FAM120B: variants seen among roughly 807,000 people sequenced by gnomAD.
FAM120B encodes the protein constitutive coactivator of peroxisome proliferator-activated receptor gamma.
Under a neutral mutation model 96.3 loss-of-function variants are expected in FAM120B, and 83 were observed. The observed-to-expected ratio is 0.86, with a 90% CI of 0.72 to 1.03. The LOEUF (loss-of-function observed/expected upper bound fraction) is 1.03. Ranked by LOEUF, FAM120B falls within the 50% of genes least tolerant of loss-of-function variation. The pLI, the probability that FAM120B is intolerant of heterozygous loss-of-function variation, is 0.00. For synonymous variants in FAM120B, 407 were observed against 402.7 expected, an observed-to-expected ratio of 1.01 and a Z score of -0.13; for missense variants, 1,027 against 1,121.2, an observed-to-expected ratio of 0.92 and a Z score of 1.20.
intron 1 of FAM120B, among the ~76,000 whole-genome samples, chr6:170,301,134 TC>T (rs1378563822): frequency 6.6e-6 from 1 of 152,278 alleles, no homozygotes; most frequent in African/African-American, 2.4e-5. Context: ...GCAGCAGACC[TC>T]TGCCTGGACA....
intron 5 of FAM120B, among the ~76,000 whole-genome samples, chr6:170,350,077 T>C (rs906788464): frequency 6.6e-6 from 1 of 152,146 alleles, no homozygotes; most frequent in Non-Finnish European, 1.5e-5. Context: ...GTTTGGAGTC[T>C]CAGCAGAGCA....
intron 4 of FAM120B, among the ~76,000 whole-genome samples, chr6:170,332,998 A>G (rs2115075881): frequency 6.6e-6 from 1 of 152,272 alleles, no homozygotes; most frequent in Non-Finnish European, 1.5e-5. Flanking sequence ...AATCACAAGT[A>G]TTTTCCAACA....
intron 4 of FAM120B, among the ~76,000 whole-genome samples, chr6:170,341,412 T>A (rs928963947): frequency 5.9e-5 from 9 of 152,126 alleles, no homozygotes; most frequent in African/African-American, 2.2e-4. Flanking sequence ...TTCAAGCCAG[T>A]GGTCCTTAGC....
chr6:170,358,434 G>T, intron 6 of FAM120B, 116 bp downstream of exon 6: 1 of 769,038 alleles, frequency 1.3e-6, no homozygotes, highest in Admixed American at 2.5e-5. Context: ...TTTTAGTCAG[G>T]ATCTTTTCGT....
intron 6 of FAM120B, among the ~76,000 whole-genome samples, chr6:170,367,596 G>A (rs1788883713): frequency 2.0e-5 from 3 of 152,360 alleles, no homozygotes; most frequent in Admixed American, 2.0e-4. Flanking sequence ...GGAGACGGCA[G>A]GATGGGGAGC....
chr6:170,382,884 T>C (rs115525711), intron 6 of FAM120B, among the ~76,000 whole-genome samples: 1 of 152,328 alleles, frequency 6.6e-6, no homozygotes, highest in African/African-American at 2.4e-5. Context: ...ATCACTGTAT[T>C]TGATAACATA....
At chr6:170,358,191 G>A (rs1377874329) in intron 5 of FAM120B, 35 bp from the exon 6 acceptor site, 1 of 1,512,822 alleles carries the variant, frequency 6.6e-7, no homozygotes, top group East Asian at 2.3e-5. Flanking sequence ...AATTTTTCCT[G>A]TAGCCTAACA....
chr6:170,325,234 A>T (rs1785515565), intron 3 of FAM120B, among the ~76,000 whole-genome samples: 1 of 151,898 alleles, frequency 6.6e-6, no homozygotes, highest in Admixed American at 6.6e-5. Context: ...TAATATAGTC[A>T]CTCCAGTATT....
intron 4 of FAM120B, among the ~76,000 whole-genome samples, chr6:170,342,929 G>C (rs1227155414): frequency 2.6e-5 from 4 of 152,202 alleles, no homozygotes; most frequent in Admixed American, 6.5e-5. Context: ...GACTGGATGG[G>C]TGTGGATGGA....
chr6:170,382,131 T>G (rs1432137020), intron 6 of FAM120B, among the ~76,000 whole-genome samples: 2 of 152,086 alleles, frequency 1.3e-5, no homozygotes, highest in African/African-American at 4.8e-5. Flanking sequence ...CAAAAAAAAC[T>G]AGAGCTAGGT....
Position 170,359,850 on chromosome 6 carries a change from C to G in FAM120B, c.2283+1532C>G, listed in dbSNP as rs542731342. 2.0e-5 allele frequency among the ~76,000 whole-genome samples: 3 copies of G among 152,250 alleles called. No individual in the cohort carries two copies. In the South Asian group the frequency reaches 6.2e-4, roughly 32 times the overall value. On this transcript the variant is annotated intron_variant, in intron 6 of 10. Coordinates refer to ENST00000476287, the MANE Select transcript of FAM120B (RefSeq NM_032448.3). ...ATTAGAAATTTCATAGCATCAGTAT[C>G]CAAAAAGTGGCCTTTTTTTCCTCCA... is the stretch of plus-strand genomic sequence containing the variant.
In FAM120B at chr6:170,370,917, A is replaced by C. The variant is rs544904544; in HGVS notation, c.2283+12599A>C. Among the ~76,000 whole-genome samples the C allele has an allele frequency of 6.6e-6, 1 of 152,212 alleles. No homozygotes were observed. Among genetic ancestry groups the C allele is most frequent in the South Asian group, 2.1e-4 (1 of 4,818 alleles). On this transcript the variant is annotated intron_variant, in intron 6 of 10. Coordinates refer to ENST00000476287, the MANE Select transcript of FAM120B (RefSeq NM_032448.3). This position sits in a 1 kb window ranked among gnomAD's most constrained non-coding sequence, Gnocchi z 4.3. ...TGTGTGCAGGCGGGAGTCAACACTG[A>C]GCCACCACCCCACCAAGCAAGAAAT...
chr6:170,404,850 C>G lies in FAM120B; in HGVS notation c.*99C>G, dbSNP rs1024343157. ...CTGTTGCAGCTGCAAGGAGACCATG[C>G]CTGTGGGAGCCAGGCCTCGCTTGCA... On this transcript the variant is annotated 3_prime_UTR_variant, in exon 11 of 11. Coordinates refer to ENST00000476287, the MANE Select transcript of FAM120B (RefSeq NM_032448.3). 1.6e-5 allele frequency: 8 copies of G among 487,598 alleles called. No individual in the cohort carries two copies. Among genetic ancestry groups the G allele is most frequent in the African/African-American group, 1.6e-4 (8 of 50,724 alleles). The allele number at this position is 487,598 out of a possible 1,614,324, so 30.2% of individuals were successfully genotyped here. A position where few individuals can be genotyped will look rare whatever the true frequency, so the allele number is the denominator to read the frequency against.
chr6:170,369,786 T>C (rs1487293045), intron 6 of FAM120B, among the ~76,000 whole-genome samples: 1 of 152,038 alleles, frequency 6.6e-6, no homozygotes, highest in Non-Finnish European at 1.5e-5. Flanking sequence ...TCTATGTTCT[T>C]GGAATCAGGA....
At position 170,388,337 on chromosome 6, in the gene FAM120B, C is replaced by T. The variant is rs768495369; in HGVS notation, c.2334C>T (p.Arg778=). 90 of 1,614,020 alleles carry T rather than the reference C, an allele frequency of 5.6e-5. No individual in the cohort carries two copies. The Middle Eastern group carries it at 9.9e-4, about 18-fold the overall frequency. The change falls in exon 7 of 11, where the codon CGC becomes CGT. Residue 778 remains arginine (R), a synonymous_variant. Transcript: ENST00000476287. ...RAVQLGSLLV[R]GLTTLVLVNS... is the part of the protein sequence containing the mutation. ...TGCAGCTGGGCTCCCTTCTCGTCCG[C>T]GGCCTCACCACTCTGGTTTTAGTCA...
intron 6 of FAM120B, among the ~76,000 whole-genome samples, chr6:170,384,366 C>T (rs1194508469): frequency 1.3e-5 from 2 of 152,176 alleles, no homozygotes; most frequent in East Asian, 1.9e-4. Flanking sequence ...AATCTATAGT[C>T]GTTTCAAAAT....
chr6:170,396,328 C>T (rs1778160612), intron 9 of FAM120B, among the ~76,000 whole-genome samples: 2 of 152,324 alleles, frequency 1.3e-5, no homozygotes, highest in Admixed American at 6.5e-5. Flanking sequence ...CGGGTGGAGT[C>T]TGCATGGAGG....
At chr6:170,400,921 A>T (rs909390274) in intron 9 of FAM120B, among the ~76,000 whole-genome samples, 1 of 152,084 alleles carries the variant, frequency 6.6e-6, no homozygotes, top group Non-Finnish European at 1.5e-5. Flanking sequence ...TGCCATGCAC[A>T]TTGGCTTCTT....
At chr6:170,398,573 AG>A (rs1778341443) in intron 9 of FAM120B, among the ~76,000 whole-genome samples, 12 of 139,354 alleles carry the variant, frequency 8.6e-5, no homozygotes, top group East Asian at 4.7e-4. Flanking sequence ...CTATGTCATA[AG>A]CCTTAGGAGT....
Sources: allele counts gnomAD v4.1 joint callset (sites outside exome capture counted in the v4.1 genomes callset), GRCh38; gene constraint gnomAD v4.1.1; non-coding constraint Gnocchi (gnomAD v3.1); transcripts MANE v1.5; gene names NCBI Gene and HGNC (gene_info 2026-07-23, HGNC 2026-07-21).